The following UBAC2 variants were observed in gnomAD, a reference collection of about 807,000 sequenced individuals.
The protein encoded by UBAC2 is ubiquitin-associated domain-containing protein 2.
UBAC2 carries 26 observed loss-of-function variants against 44.0 expected under a neutral mutation model. The ratio of observed to expected loss-of-function variants is 0.59; its 90% CI spans 0.43 to 0.82. UBAC2 has a LOEUF of 0.82. UBAC2 is among the 40% of genes least tolerant of loss of function. The probability of loss-of-function intolerance (pLI) is 0.00; values close to 1 mark genes in which losing one functional copy is unlikely to be tolerated. For synonymous variants in UBAC2, 155 were observed against 154.3 expected (o/e 1.00, Z -0.04); for missense variants, 329 against 419.4 (o/e 0.78, Z 1.88).
intron 4 of UBAC2, among the ~76,000 whole-genome samples, chr13:99,298,144 A>T (rs534225709): frequency 7.2e-4 from 110 of 152,318 alleles, no homozygotes; most frequent in African/African-American, 2.5e-3. Context: ...CATTTCTATT[A>T]TGATGTGCTA....
At chr13:99,254,158 G>A (rs1194779083) in intron 4 of UBAC2, among the ~76,000 whole-genome samples, 1 of 152,120 alleles carries the variant, frequency 6.6e-6, no homozygotes, top group East Asian at 1.9e-4. Flanking sequence ...CATAAGAAGA[G>A]CAAACTGTTT....
intron 2 of UBAC2, among the ~76,000 whole-genome samples, chr13:99,242,999 C>G (rs1025424428): frequency 3.3e-5 from 5 of 151,726 alleles, no homozygotes; most frequent in African/African-American, 4.8e-5. Context: ...GGATGGCGGC[C>G]GGGCAGAGAC....
chr13:99,239,443 A>C (rs1416609957), intron 2 of UBAC2, among the ~76,000 whole-genome samples: 3 of 152,242 alleles, frequency 2.0e-5, no homozygotes, highest in African/African-American at 7.2e-5. Context: ...CTAGATTTAT[A>C]TAAACACAGT....
intron 1 of UBAC2, among the ~76,000 whole-genome samples, chr13:99,205,530 A>C (rs1884730549): frequency 6.6e-6 from 1 of 152,234 alleles, no homozygotes; most frequent in African/African-American, 2.4e-5. Flanking sequence ...TGAGTGTCAG[A>C]AACCTGTTAT....
At chr13:99,349,472 C>T (rs1183952699) in intron 7 of UBAC2, among the ~76,000 whole-genome samples, 2 of 152,128 alleles carry the variant, frequency 1.3e-5, no homozygotes, top group African/African-American at 4.8e-5. Context: ...CATCAAGATG[C>T]GGAGACCAGT....
At chr13:99,338,489 ACT>A (rs1365950829) in intron 6 of UBAC2, among the ~76,000 whole-genome samples, 5 of 152,202 alleles carry the variant, frequency 3.3e-5, no homozygotes, top group Middle Eastern at 6.8e-3. Flanking sequence ...GTCCCACAGG[ACT>A]CTCTGCAGGC....
chr13:99,343,884 A>G (rs2044931831), intron 7 of UBAC2, among the ~76,000 whole-genome samples: 1 of 152,214 alleles, frequency 6.6e-6, no homozygotes, highest in African/African-American at 2.4e-5. Context: ...TTGTATTGGA[A>G]TGTAATACCA....
In UBAC2 at chr13:99,238,534, G is replaced by A. The variant is rs771213998; in HGVS notation, c.139G>A (p.Ala47Thr). ...GAAGCTCTTTGTGTATGACCTTCAC[G>A]CAGTCAAGAACGACTTCCAGGTAAG... ...CQKLFVYDLH[A>T]VKNDFQIWRL... The change falls in exon 2 of 9, where the codon GCA becomes ACA. Residue 47 changes from alanine to threonine, a missense_variant. Ala to Thr is a moderately conservative substitution (Grantham distance 58). Transcript: ENST00000403766. 20 of 1,610,838 alleles carry A rather than the reference G, an allele frequency of 1.2e-5. No individual in the cohort carries two copies. Among genetic ancestry groups the A allele is most frequent in the African/African-American group, 2.7e-5 (2 of 74,726 alleles).
chr13:99,347,977 T>C (rs1313942355), intron 7 of UBAC2, among the ~76,000 whole-genome samples: 2 of 152,030 alleles, frequency 1.3e-5, no homozygotes, highest in African/African-American at 4.8e-5. Flanking sequence ...TGGACACACA[T>C]AAGCTGCTCT....
intron 4 of UBAC2, among the ~76,000 whole-genome samples, chr13:99,304,979 G>C (rs1319613367): frequency 6.6e-6 from 1 of 152,184 alleles, no homozygotes; most frequent in Non-Finnish European, 1.5e-5. Flanking sequence ...ATGGGAGCAG[G>C]GAGGAAGAGA....
In UBAC2 at chr13:99,217,197, T is replaced by C. The variant is rs546128522; in HGVS notation, c.31+16258T>C. 1.3e-3 allele frequency among the ~76,000 whole-genome samples: 204 copies of C among 152,320 alleles called. 2 individuals are homozygous for C. Among genetic ancestry groups the C allele is most frequent in the Non-Finnish European group, 2.0e-3 (138 of 68,018 alleles). On this transcript the variant is annotated intron_variant, in intron 1 of 8. Coordinates refer to ENST00000403766, the MANE Select transcript of UBAC2 (RefSeq NM_001144072.2). ...AGTGGGGCTTGTTCCCCACTTCAGCTAGGCCGTTGCTCAGCGTCAGTGGCT... is the reference window on the plus strand; with the variant it reads ...AGTGGGGCTTGTTCCCCACTTCAGCCAGGCCGTTGCTCAGCGTCAGTGGCT...
At chr13:99,356,162 G>A (rs1162949789) in intron 7 of UBAC2, 1 of 534,718 alleles carries the variant, frequency 1.9e-6, no homozygotes, top group Non-Finnish European at 3.8e-6. Context: ...TGCAGGGGCT[G>A]TTGGGTTGCA....
intron 4 of UBAC2, chr13:99,294,541 T>C (rs2044138603): frequency 6.5e-6 from 1 of 152,742 alleles, no homozygotes; most frequent in Non-Finnish European, 1.5e-5. Flanking sequence ...CTCATAACTT[T>C]GCAGCATCCT....
At chr13:99,346,406 C>A (rs749986669) in intron 7 of UBAC2, among the ~76,000 whole-genome samples, 4 of 152,228 alleles carry the variant, frequency 2.6e-5, no homozygotes, top group Non-Finnish European at 4.4e-5. Flanking sequence ...CAGGGCCTCT[C>A]CATAGCTTTC....
chr13:99,275,195 T>G (rs558807681), intron 4 of UBAC2, among the ~76,000 whole-genome samples: 1 of 152,024 alleles, frequency 6.6e-6, no homozygotes, highest in Non-Finnish European at 1.5e-5. Flanking sequence ...TGGCCTAGAG[T>G]CTCTCATGTG....
chr13:99,203,975 C>T (rs2042837681), intron 1 of UBAC2, among the ~76,000 whole-genome samples: 1 of 152,124 alleles, frequency 6.6e-6, no homozygotes, highest in Non-Finnish European at 1.5e-5. Flanking sequence ...GGTAAAAGTG[C>T]GTAGGATTAG....
At chr13:99,378,417 C>CT (rs2045509280) in intron 8 of UBAC2, among the ~76,000 whole-genome samples, 3 of 152,168 alleles carry the variant, frequency 2.0e-5, no homozygotes, top group Admixed American at 1.3e-4. Context: ...GTCCCAGCTA[C>CT]TTGGGAGGCT....
chr13:99,361,299 TAAAGG>T (rs1293138898), intron 7 of UBAC2, among the ~76,000 whole-genome samples: 1 of 152,182 alleles, frequency 6.6e-6, no homozygotes, highest in African/African-American at 2.4e-5. Flanking sequence ...GAAGACAAAG[TAAAGG>T]AAACATTTCC....
chr13:99,369,445 C>T (rs980775942), intron 8 of UBAC2, among the ~76,000 whole-genome samples: 1 of 152,188 alleles, frequency 6.6e-6, no homozygotes, highest in Non-Finnish European at 1.5e-5. Context: ...CAGCACGATA[C>T]TCAATAATTA....
Sources: gnomAD v4.1 joint callset for allele counts (sites outside exome capture counted in the v4.1 genomes callset) on GRCh38, gnomAD v4.1.1 for gene constraint, MANE v1.5 for transcripts, NCBI Gene and HGNC (gene_info 2026-07-23, HGNC 2026-07-21) for gene names.